GALNT13: variants seen among roughly 807,000 people sequenced by gnomAD.
GALNT13 encodes UDP-GalNAc:polypeptide N-acetylgalactosaminyltransferase 13.
A neutral mutation model predicts 64.2 loss-of-function variants in GALNT13; 28 were observed. That is an observed-to-expected ratio of 0.44 (90% CI 0.32 to 0.60). The LOEUF (loss-of-function observed/expected upper bound fraction) is 0.60. GALNT13 is among the 20% of genes least tolerant of loss of function. The pLI is 0.05. For synonymous variants in GALNT13, 214 were observed against 224.6 expected (o/e 0.95, Z 0.42); for missense variants, 577 against 669.8 (o/e 0.86, Z 1.53).
intron 3 of GALNT13, among the ~76,000 whole-genome samples, chr2:154,065,486 C>T (rs1700412542): frequency 6.6e-6 from 1 of 152,108 alleles, no homozygotes; most frequent in Non-Finnish European, 1.5e-5. Context: ...TACCTGCCAC[C>T]CCTCACCCAG....
the GALNT13 span, among the ~76,000 whole-genome samples, chr2:153,525,620 G>A: frequency 2.2e-4 from 33 of 152,134 alleles, no homozygotes; most frequent in African/African-American, 7.7e-4. Flanking sequence ...TTATGTGCTC[G>A]TTATGAGAAT....
the GALNT13 span, among the ~76,000 whole-genome samples, chr2:153,640,137 C>T: frequency 5.3e-5 from 8 of 152,132 alleles, no homozygotes; most frequent in Admixed American, 3.9e-4. Flanking sequence ...AATAAAGCAC[C>T]GAGATCTCTG....
intron 1 of GALNT13, among the ~76,000 whole-genome samples, chr2:153,878,330 C>T (rs377708455): frequency 9.2e-5 from 14 of 152,138 alleles, no homozygotes; most frequent in East Asian, 7.7e-4. Context: ...AAAAATTTCC[C>T]GTAGATTGTG....
chr2:153,879,379 T>C (rs1459045366), intron 1 of GALNT13, among the ~76,000 whole-genome samples: 2 of 150,594 alleles, frequency 1.3e-5, no homozygotes, highest in Non-Finnish European at 3.0e-5. Flanking sequence ...TGTGTGTGTG[T>C]GTGCATGTGT....
the GALNT13 span, among the ~76,000 whole-genome samples, chr2:153,227,684 A>G: frequency 1.3e-5 from 2 of 152,184 alleles, no homozygotes; most frequent in Admixed American, 6.5e-5. Context: ...TTTAGATGAC[A>G]TACTCATATT....
intron 2 of GALNT13, among the ~76,000 whole-genome samples, chr2:153,910,730 T>C (rs1688881915): frequency 6.6e-6 from 1 of 152,156 alleles, no homozygotes; most frequent in Non-Finnish European, 1.5e-5. Context: ...TTCCATGTAA[T>C]TGTATGGTTT....
chr2:154,252,387 G>A (rs1170629197), intron 7 of GALNT13, among the ~76,000 whole-genome samples: 1 of 147,270 alleles, frequency 6.8e-6, no homozygotes. Flanking sequence ...ATGGAGTCTC[G>A]CTCTGTCACC....
At chr2:153,817,447 T>A in the GALNT13 span, among the ~76,000 whole-genome samples, 1 of 152,168 alleles carries the variant, frequency 6.6e-6, no homozygotes. Context: ...CCCCACCATC[T>A]CCCAGGTGAT....
At chr2:154,015,292 T>G (rs938555323) in intron 3 of GALNT13, among the ~76,000 whole-genome samples, 5 of 152,184 alleles carry the variant, frequency 3.3e-5, no homozygotes, top group Non-Finnish European at 4.4e-5. Flanking sequence ...TTTGAAAAAA[T>G]AGCAATATTT....
chr2:153,996,618 A>T (rs1191818163), intron 3 of GALNT13, among the ~76,000 whole-genome samples: 2 of 152,038 alleles, frequency 1.3e-5, no homozygotes, highest in African/African-American at 4.8e-5. Flanking sequence ...GTCTCTCATT[A>T]TGTAGGCTGT....
the GALNT13 span, among the ~76,000 whole-genome samples, chr2:153,659,570 C>T: frequency 2.6e-5 from 4 of 152,142 alleles, no homozygotes; most frequent in African/African-American, 9.6e-5. Flanking sequence ...TACACTATGA[C>T]AAGTTCTTTA....
At chr2:154,436,556 T>C (rs1003100393) in intron 11 of GALNT13, 2 of 152,226 alleles carry the variant, frequency 1.3e-5, no homozygotes, top group African/African-American at 4.8e-5. Context: ...AATAATCCTA[T>C]AATGAACAAA....
chr2:153,211,236 G>A, the GALNT13 span, among the ~76,000 whole-genome samples: 9 of 151,656 alleles, frequency 5.9e-5, no homozygotes, highest in African/African-American at 9.7e-5. Flanking sequence ...TCAGCCTCCC[G>A]GGTTCAAGCA....
chr2:153,147,974 G>C, the GALNT13 span, among the ~76,000 whole-genome samples: 1 of 151,790 alleles, frequency 6.6e-6, no homozygotes, highest in African/African-American at 2.4e-5. Context: ...TTGTCTCTGA[G>C]TTACGGCAAA....
the GALNT13 span, among the ~76,000 whole-genome samples, chr2:153,514,025 A>C: frequency 1.3e-5 from 2 of 152,176 alleles, no homozygotes; most frequent in Non-Finnish European, 2.9e-5. Context: ...GGATATTAAA[A>C]ACATTACATT....
intron 2 of GALNT13, among the ~76,000 whole-genome samples, chr2:153,918,340 G>A (rs1689531731): frequency 6.6e-6 from 1 of 151,970 alleles, no homozygotes; most frequent in African/African-American, 2.4e-5. Flanking sequence ...AATCAAACAG[G>A]GTGAGAATTT....
the GALNT13 span, among the ~76,000 whole-genome samples, chr2:153,783,568 A>T: frequency 6.6e-6 from 1 of 151,946 alleles, no homozygotes; most frequent in South Asian, 2.1e-4. Context: ...ACACCCTTTT[A>T]TCTGTTGTCC....
the GALNT13 span, among the ~76,000 whole-genome samples, chr2:153,605,088 A>G: frequency 6.6e-6 from 1 of 152,050 alleles, no homozygotes; most frequent in African/African-American, 2.4e-5. Flanking sequence ...GACACTCCCT[A>G]TCCAACCTGG....
chr2:153,508,862 T>C, the GALNT13 span, among the ~76,000 whole-genome samples: 1 of 152,074 alleles, frequency 6.6e-6, no homozygotes, highest in Non-Finnish European at 1.5e-5. Context: ...TCTGCCATCT[T>C]CCCCCCTATA....
Sources: allele counts gnomAD v4.1 joint callset (sites outside exome capture counted in the v4.1 genomes callset), GRCh38; gene constraint gnomAD v4.1.1; transcripts MANE v1.5; gene names NCBI Gene and HGNC (gene_info 2026-07-23, HGNC 2026-07-21).